The following FCRL3 variants were observed in gnomAD, a reference collection of about 807,000 sequenced individuals.
FCRL3 encodes Fc receptor-like protein 3.
A neutral mutation model predicts 75.0 loss-of-function variants in FCRL3; 89 were observed. The observed-to-expected ratio is 1.19, with a 90% confidence interval of 1.00 to 1.42. The LOEUF (loss-of-function observed/expected upper bound fraction) is 1.42. Among genes scored for constraint, FCRL3 ranks in the 40% most tolerant of loss-of-function variants. The pLI, the probability that FCRL3 is intolerant of heterozygous loss-of-function variation, is 0.00. For synonymous variants in FCRL3, 376 were observed against 348.5 expected (o/e 1.08, Z -0.88); for missense variants, 946 against 880.0 (o/e 1.07, Z -0.95).
chr1:157,699,407 CAT>C (rs888539349), intron 3 of FCRL3, among the ~76,000 whole-genome samples: 1 of 151,708 alleles, frequency 6.6e-6, no homozygotes, highest in African/African-American at 2.4e-5. Context: ...ATGGAGATCA[CAT>C]ATGAGATTCC....
intron 10 of FCRL3, among the ~76,000 whole-genome samples, chr1:157,688,060 G>A (rs1463403835): frequency 2.0e-5 from 3 of 151,816 alleles, no homozygotes; most frequent in Non-Finnish European, 4.4e-5. Context: ...CAAATAGAAA[G>A]CAAATAGCAA....
intron 5 of FCRL3, 64 bp downstream of exon 5, chr1:157,697,595 A>ACAT: frequency 6.5e-7 from 1 of 1,545,274 alleles, no homozygotes; most frequent in South Asian, 1.3e-5. Flanking sequence ...CCACTGATAA[A>ACAT]CATCTTCCCT....
intron 8 of FCRL3, among the ~76,000 whole-genome samples, chr1:157,695,103 G>T (rs866699650): frequency 6.6e-6 from 1 of 152,042 alleles, no homozygotes; most frequent in African/African-American, 2.4e-5. Flanking sequence ...AAATGAATGG[G>T]GTATATGGAT....
Position 157,678,391 on chromosome 1 carries a change from T to G in FCRL3, c.*319A>C. The G allele has an allele frequency of 8.5e-7, 1 of 1,177,728 alleles. No individual in the cohort carries two copies. The highest frequency in any genetic ancestry group is 4.7e-5 in the East Asian group (1 of 21,244). 73.0% of individuals were successfully genotyped at this position (1,177,728 alleles called of 1,614,324 possible). On this transcript the variant is annotated 3_prime_UTR_variant, in exon 15 of 15. Transcript: ENST00000368184. ...TCACACTTGGATCAAATGGTCATGA[T>G]TGTGCCCTTGTAACCCTGGCTAGAC... is the stretch of plus-strand genomic sequence containing the variant.
At chr1:157,683,916 T>C (rs1487687509) in intron 10 of FCRL3, among the ~76,000 whole-genome samples, 2 of 152,218 alleles carry the variant, frequency 1.3e-5, no homozygotes, top group East Asian at 1.9e-4. Context: ...AAAATTACTA[T>C]ATTGTTTCGT....
chr1:157,698,027 G>C, intron 4 of FCRL3, 108 bp from the exon 5 acceptor site: 4 of 1,298,758 alleles, frequency 3.1e-6, no homozygotes, highest in Non-Finnish European at 4.2e-6. Flanking sequence ...CCTGCAAATG[G>C]CCCCCACCCA....
Position 157,696,163 on chromosome 1 carries a change from G to A in FCRL3, c.1009C>T (p.Arg337Cys), listed in dbSNP as rs754226096. The change falls in exon 7 of 15, where the codon CGT (arginine) becomes TGT (cysteine). Residue 337 changes from arginine to cysteine, a missense_variant. Transcript: ENST00000368184. The stretch of plus-strand genomic sequence containing the variant: ...ACATGCAGCTCTGCCAACAGGGAAC[G>A]CTGGGTCTTTCTACCCAGGCTTCTT... ...RVRSLGRKTQ[R>C]SLLAELHVLT... 42 of 1,613,842 alleles carry A rather than the reference G, an allele frequency of 2.6e-5. No individual in the cohort carries two copies. Among genetic ancestry groups the A allele is most frequent in the African/African-American group, 8.0e-5 (6 of 74,870 alleles).
chr1:157,679,833 A>AG (rs1654721707), intron 13 of FCRL3, among the ~76,000 whole-genome samples: 1 of 125,614 alleles, frequency 8.0e-6, no homozygotes, highest in Non-Finnish European at 1.5e-5. Context: ...CATCTCACAA[A>AG]AAAAAAAAAA....
Position 157,678,963 on chromosome 1 carries a change from T to A in FCRL3, c.2037A>T (p.Pro679=). ...TCACCTCATGCTCTTGATGCATCATTGGACAATTAGCTGTTGGGTAGGAGT... is the reference window on the plus strand; with the variant it reads ...TCACCTCATGCTCTTGATGCATCATAGGACAATTAGCTGTTGGGTAGGAGT... ...QHTKENSANC[P]MMHQEHEELT... Residue 679 remains proline, a synonymous_variant, in exon 14 of 15, where the codon CCA becomes CCT. Coordinates refer to ENST00000368184, the MANE Select transcript of FCRL3 (RefSeq NM_052939.4). The A allele has an allele frequency of 1.2e-5, 20 of 1,614,126 alleles. No individual in the cohort carries two copies. Among genetic ancestry groups the A allele is most frequent in the Non-Finnish European group, 1.7e-5 (20 of 1,180,000 alleles).
At chr1:157,685,651 T>C (rs1256524562) in intron 10 of FCRL3, among the ~76,000 whole-genome samples, 1 of 152,174 alleles carries the variant, frequency 6.6e-6, no homozygotes, top group Admixed American at 6.6e-5. Flanking sequence ...GGAATATACA[T>C]TCTTCTCACC....
In FCRL3 at chr1:157,677,451, C is replaced by A; in HGVS notation, c.*1259G>T. On this transcript the variant is annotated 3_prime_UTR_variant, in exon 15 of 15. Coordinates refer to ENST00000368184, the MANE Select transcript of FCRL3 (RefSeq NM_052939.4). ...ATTCAGAGATTAATGTTAATATAAT[C>A]TCAGTTGTCCCTAGGACTTGAGGTG... is the stretch of plus-strand genomic sequence containing the variant. The A allele has an allele frequency of 1.0e-6, 1 of 985,434 alleles. No individual in the cohort carries two copies. The highest frequency in any genetic ancestry group is 4.7e-5 in the South Asian group (1 of 21,288). The allele number at this position is 985,434 out of a possible 1,614,324, so 61.0% of individuals were successfully genotyped here.
chr1:157,685,969 G>A (rs1479146036), intron 10 of FCRL3, among the ~76,000 whole-genome samples: 2 of 152,046 alleles, frequency 1.3e-5, no homozygotes, highest in African/African-American at 2.4e-5. Flanking sequence ...GAAATTCCTA[G>A]CCAGAGCAAC....
intron 8 of FCRL3, among the ~76,000 whole-genome samples, chr1:157,694,066 T>C (rs1029293261): frequency 6.6e-6 from 1 of 152,156 alleles, no homozygotes; most frequent in African/African-American, 2.4e-5. Context: ...TTAATTTCTA[T>C]TTTTTCTGTT....
chr1:157,676,726 G>T lies in FCRL3; in HGVS notation c.*1984C>A. On this transcript the variant is annotated 3_prime_UTR_variant, in exon 15 of 15. Coordinates refer to ENST00000368184, the MANE Select transcript of FCRL3 (RefSeq NM_052939.4). Reference sequence around the variant, plus strand: ...TTTGCACAGGGCTAAGTGTTACAAAGACATGGAAAATCTTGAACTTTGTTC... The same window carrying T: ...TTTGCACAGGGCTAAGTGTTACAAATACATGGAAAATCTTGAACTTTGTTC... 1 of 1,550,390 alleles carries T rather than the reference G, an allele frequency of 6.4e-7. No individual in the cohort carries two copies. The highest frequency in any genetic ancestry group is 8.7e-7 in the Non-Finnish European group (1 of 1,146,890).
Position 157,680,701 on chromosome 1 carries a change from C to T in FCRL3, c.2026+1G>A. 1.2e-6 allele frequency: 2 copies of T among 1,613,892 alleles called. No homozygotes were observed. Among genetic ancestry groups the T allele is most frequent in the Non-Finnish European group, 1.7e-6 (2 of 1,179,816 alleles). The stretch of plus-strand genomic sequence containing the variant: ...CTCTATTTGCCTGAAAGGCATCTTA[C>T]CTGAGTTTTCTTTTGTATGCTGGAT... On this transcript the variant is annotated splice_donor_variant, in intron 13 of 14. Transcript: ENST00000368184. LOFTEE classifies it high-confidence loss of function.
Position 157,695,557 on chromosome 1 carries a change from CA to C in FCRL3, c.1182del (p.Val395TrpfsTer13), listed in dbSNP as rs1270826806. On this transcript the variant is annotated frameshift_variant, in exon 8 of 15. Coordinates refer to ENST00000368184, the MANE Select transcript of FCRL3 (RefSeq NM_052939.4). LOFTEE classifies it high-confidence loss of function. ...TGAAGCTCCAGCAGGTCCCCCACCACAGTGTGGGCCCTGGGAGCCCTGAAGG... is the reference window on the plus strand; with the variant it reads ...TGAAGCTCCAGCAGGTCCCCCACCACGTGTGGGCCCTGGGAGCCCTGAAGG... ...VLTFRAPRAH[T>X]VVGDLLELHC... 16 of 1,613,838 alleles carry C rather than the reference CA, an allele frequency of 9.9e-6. No homozygotes were observed. The highest frequency in any genetic ancestry group is 1.4e-5 in the Non-Finnish European group (16 of 1,179,896).
intron 13 of FCRL3, among the ~76,000 whole-genome samples, chr1:157,679,807 C>T (rs972946984): frequency 8.5e-5 from 9 of 105,322 alleles, no homozygotes; most frequent in East Asian, 3.2e-4. Flanking sequence ...CCAGCCTGGG[C>T]GACAGAACGA....
In FCRL3 at chr1:157,698,438, A is replaced by G. The variant is rs780334142; in HGVS notation, c.244T>C (p.Cys82Arg). ...IQITEPGNYQ[C>R]KTRGSSLSDA... ...CTGAGGGAGGATCCTCGGGTCTTAC[A>G]TTGGTAATTTCCAGGCTCTGTAATT... Residue 82 changes from cysteine to arginine, a missense_variant, in exon 4 of 15, where the codon TGT (cysteine) becomes CGT (arginine). By Grantham distance (180) the Cys-to-Arg change is radical. Coordinates refer to ENST00000368184, the MANE Select transcript of FCRL3 (RefSeq NM_052939.4). The G allele has an allele frequency of 5.0e-6, 8 of 1,613,940 alleles. No individual in the cohort carries two copies. Among genetic ancestry groups the G allele is most frequent in the Non-Finnish European group, 6.8e-6 (8 of 1,179,916 alleles).
chr1:157,686,221 G>A lies in FCRL3; in HGVS notation c.1811-2977C>T, dbSNP rs535329776. Among the ~76,000 whole-genome samples, 5 of 151,454 alleles carry A rather than the reference G, an allele frequency of 3.3e-5. No individual in the cohort carries two copies. The South Asian group carries it at 1.0e-3, about 32-fold the overall frequency. On this transcript the variant is annotated intron_variant, in intron 10 of 14. Transcript: ENST00000368184. Reference sequence around the variant, plus strand: ...GCCACAAAGAAAATGAAATACCTAGGAATACAGCTAACAAAGGAGGTGAAA... The same window carrying A: ...GCCACAAAGAAAATGAAATACCTAGAAATACAGCTAACAAAGGAGGTGAAA...
Sources: allele counts gnomAD v4.1 joint callset (sites outside exome capture counted in the v4.1 genomes callset), GRCh38; gene constraint gnomAD v4.1.1; transcripts MANE v1.5; gene names NCBI Gene and HGNC (gene_info 2026-07-23, HGNC 2026-07-21).